The following SLC25A26 variants were observed in gnomAD, a reference collection of about 807,000 sequenced individuals.
SLC25A26 encodes the protein mitochondrial S-adenosylmethionine carrier protein.
A neutral mutation model predicts 37.8 loss-of-function variants in SLC25A26; 36 were observed. The ratio of observed to expected loss-of-function variants is 0.95; its 90% CI spans 0.73 to 1.26. The LOEUF (loss-of-function observed/expected upper bound fraction) is 1.26, where lower values mean the gene tolerates loss of function less well. Among genes scored for constraint, SLC25A26 ranks in the 50% most tolerant of loss-of-function variants. SLC25A26 has a pLI of 0.00. For missense variants in SLC25A26, 390 were observed against 331.1 expected (o/e 1.18, Z -1.38); for synonymous variants, 129 against 122.5 (o/e 1.05, Z -0.35).
chr3:66,302,562 C>T (rs551819879), intron 5 of SLC25A26, among the ~76,000 whole-genome samples: 1 of 152,270 alleles, frequency 6.6e-6, no homozygotes, highest in South Asian at 2.1e-4. Flanking sequence ...GAGTAAGCAG[C>T]GGTTCTCCAC....
chr3:66,226,224 G>C (rs1455177362), intron 1 of SLC25A26, among the ~76,000 whole-genome samples: 4 of 152,188 alleles, frequency 2.6e-5, no homozygotes, highest in Non-Finnish European at 5.9e-5. Flanking sequence ...AATCATGGTA[G>C]AAGGCAAAGG....
At chr3:66,240,853 C>T (rs1396273927) in intron 2 of SLC25A26, among the ~76,000 whole-genome samples, 3 of 149,956 alleles carry the variant, frequency 2.0e-5, no homozygotes, top group African/African-American at 7.4e-5. Context: ...TCATGCCATT[C>T]TCCTGCCTCA....
intron 2 of SLC25A26, among the ~76,000 whole-genome samples, chr3:66,239,472 G>C (rs146575925): frequency 0.14 from 20,909 of 152,170 alleles, 1,632 homozygotes; most frequent in East Asian, 0.31. Flanking sequence ...CTTAATGGCA[G>C]CTGGGAACTT....
chr3:66,274,508 A>G (rs1412024180), intron 5 of SLC25A26, among the ~76,000 whole-genome samples: 2 of 152,214 alleles, frequency 1.3e-5, no homozygotes, highest in East Asian at 1.9e-4. Flanking sequence ...TTATCTGACA[A>G]AGGGCTAATA....
At chr3:66,317,736 T>C (rs2075578507) in intron 5 of SLC25A26, among the ~76,000 whole-genome samples, 1 of 152,188 alleles carries the variant, frequency 6.6e-6, no homozygotes, top group South Asian at 2.1e-4. Flanking sequence ...TTATCCATGA[T>C]ACCACAGCCG....
Position 66,209,918 on chromosome 3 carries a change from A to C in SLC25A26, c.-353-10824A>C, listed in dbSNP as rs1274773756. On this transcript the variant is annotated intron_variant, in intron 1 of 10. Coordinates refer to the SLC25A26 transcript ENST00000676754. ...TCTATTTATATATATATATATATAT[A>C]TATATATATATATATATATATATAT... Among the ~76,000 whole-genome samples, 363 of 60,202 alleles carry C rather than the reference A, an allele frequency of 6.0e-3. 48 individuals are homozygous for C. The highest frequency in any genetic ancestry group is 0.027 in the East Asian group (57 of 2,132). 39.5% of individuals were successfully genotyped at this position (60,202 alleles called of 152,430 possible). A position where few individuals can be genotyped will look rare whatever the true frequency, so the allele number is the denominator to read the frequency against.
At chr3:66,255,228 C>T (rs2073253146) in intron 3 of SLC25A26, among the ~76,000 whole-genome samples, 1 of 152,190 alleles carries the variant, frequency 6.6e-6, no homozygotes, top group Non-Finnish European at 1.5e-5. Context: ...ATCCTCCTGT[C>T]TTCACCTCCC....
intron 4 of SLC25A26, 27 bp downstream of exon 4, chr3:66,262,182 TTTC>T: frequency 8.2e-7 from 1 of 1,225,720 alleles, no homozygotes; most frequent in Non-Finnish European, 1.1e-6. Flanking sequence ...AAGCTCTTCT[TTTC>T]TTTATTAAGA....
At chr3:66,245,573 A>G (rs992916308) in intron 3 of SLC25A26, among the ~76,000 whole-genome samples, 3 of 146,164 alleles carry the variant, frequency 2.1e-5, no homozygotes, top group African/African-American at 4.9e-5. Context: ...ATATGTTTAC[A>G]TAGGAAACTT....
intron 1 of SLC25A26, among the ~76,000 whole-genome samples, chr3:66,143,441 C>T (rs186961870): frequency 8.5e-5 from 13 of 152,186 alleles, no homozygotes; most frequent in East Asian, 3.9e-4. Context: ...TAGTGCTCTA[C>T]GTGCTGGCAA....
intron 1 of SLC25A26, among the ~76,000 whole-genome samples, chr3:66,185,500 T>A (rs2070808035): frequency 1.3e-5 from 2 of 152,186 alleles, no homozygotes; most frequent in African/African-American, 4.8e-5. Flanking sequence ...TAGTAATTTT[T>A]AATTTTTTGA....
At chr3:66,204,325 C>G (rs1305700355) in intron 1 of SLC25A26, among the ~76,000 whole-genome samples, 1 of 146,644 alleles carries the variant, frequency 6.8e-6, no homozygotes, top group African/African-American at 2.5e-5. Context: ...ACTCGGGAGG[C>G]TGAGGCAGGA....
At chr3:66,223,142 A>G (rs2071579304) in intron 1 of SLC25A26, among the ~76,000 whole-genome samples, 1 of 152,258 alleles carries the variant, frequency 6.6e-6, no homozygotes, top group Non-Finnish European at 1.5e-5. Flanking sequence ...AAGTGCTATG[A>G]AAGAAATGAA....
At chr3:66,357,644 C>G (rs563489081) in intron 6 of SLC25A26, among the ~76,000 whole-genome samples, 1 of 151,826 alleles carries the variant, frequency 6.6e-6, no homozygotes. Context: ...ATCATTAGAC[C>G]TCTGTGGCAA....
intron 1 of SLC25A26, among the ~76,000 whole-genome samples, chr3:66,210,010 A>T (rs1289635766): frequency 7.2e-6 from 1 of 138,278 alleles, no homozygotes; most frequent in African/African-American, 2.7e-5. Context: ...ATCCCCTAGC[A>T]TAGGCTTTTA....
At chr3:66,184,257 A>C (rs2070771597) in intron 1 of SLC25A26, among the ~76,000 whole-genome samples, 1 of 151,774 alleles carries the variant, frequency 6.6e-6, no homozygotes, top group Non-Finnish European at 1.5e-5. Flanking sequence ...GAACCTCACC[A>C]TAACTCTGAC....
intron 5 of SLC25A26, among the ~76,000 whole-genome samples, chr3:66,268,199 G>C (rs1308480146): frequency 3.9e-5 from 6 of 152,210 alleles, no homozygotes. Context: ...GGACATTACA[G>C]ACATGCTGCA....
intron 5 of SLC25A26, among the ~76,000 whole-genome samples, chr3:66,267,761 G>GC (rs1446497525): frequency 6.6e-6 from 1 of 152,166 alleles, no homozygotes; most frequent in Admixed American, 6.5e-5. Context: ...GTTCATTGAA[G>GC]CCCCCAGTCT....
intron 1 of SLC25A26, among the ~76,000 whole-genome samples, chr3:66,179,960 T>C (rs1011771618): frequency 3.3e-5 from 5 of 152,196 alleles, no homozygotes; most frequent in African/African-American, 1.2e-4. Flanking sequence ...AGTTCTGAAG[T>C]CTGATACTGT....
Sources: gnomAD v4.1 joint callset for allele counts (sites outside exome capture counted in the v4.1 genomes callset) on GRCh38, gnomAD v4.1.1 for gene constraint, MANE v1.5 for transcripts, NCBI Gene and HGNC (gene_info 2026-07-23, HGNC 2026-07-21) for gene names.